SNTG2: variants seen among roughly 807,000 people sequenced by gnomAD.
SNTG2 encodes the protein syntrophin gamma 2.
A neutral mutation model predicts 70.9 loss-of-function variants in SNTG2; 74 were observed. The ratio of observed to expected loss-of-function variants is 1.04; its 90% CI spans 0.86 to 1.27. The LOEUF is 1.27. Ranked by LOEUF, SNTG2 falls within the 50% of genes most tolerant of loss-of-function variation. SNTG2 has a pLI of 0.00. For missense variants in SNTG2, 717 were observed against 690.7 expected (o/e 1.04, Z -0.43); for synonymous variants, 278 against 273.8 (o/e 1.02, Z -0.15).
intron 2 of SNTG2, among the ~76,000 whole-genome samples, chr2:1,092,246 T>A (rs1310169446): frequency 2.1e-5 from 2 of 96,502 alleles, no homozygotes; most frequent in South Asian, 3.7e-4. Context: ...AGCCCTTCAA[T>A]TAGAGAGAGA....
At chr2:1,001,011 A>G (rs1659365936) in intron 1 of SNTG2, among the ~76,000 whole-genome samples, 1 of 152,032 alleles carries the variant, frequency 6.6e-6, no homozygotes, top group East Asian at 1.9e-4. Context: ...AAAAGTAAAA[A>G]CCAAAAACAT....
rs752544054 is a variant in SNTG2 at position 1,316,385 on chromosome 2, A to G, written c.1488+10A>G. On this transcript the variant is annotated intron_variant, in intron 16 of 16. Coordinates refer to ENST00000308624, the MANE Select transcript of SNTG2 (RefSeq NM_018968.4). Reference sequence around the variant, plus strand: ...ACAGATTGAGACGAAGGTATGCGGCATGGGGCATGGGTTATTCTGCCACCA... The same window carrying G: ...ACAGATTGAGACGAAGGTATGCGGCGTGGGGCATGGGTTATTCTGCCACCA... The G allele has an allele frequency of 4.3e-6, 6 of 1,388,548 alleles. No homozygotes were observed. The highest frequency in any genetic ancestry group is 1.4e-5 in the African/African-American group (1 of 70,014). 86.0% of individuals were successfully genotyped at this position (1,388,548 alleles called of 1,614,324 possible).
chr2:1,070,718 G>C (rs1663476503), intron 1 of SNTG2, among the ~76,000 whole-genome samples: 1 of 152,176 alleles, frequency 6.6e-6, no homozygotes, highest in Non-Finnish European at 1.5e-5. Flanking sequence ...TCATGTTTAA[G>C]GTCCGGAAAG....
At chr2:1,364,379 G>C (rs1373780813) in intron 16 of SNTG2, among the ~76,000 whole-genome samples, 3 of 152,102 alleles carry the variant, frequency 2.0e-5, no homozygotes, top group South Asian at 2.1e-4. Flanking sequence ...ACTGGTAGCT[G>C]TTTGGCTTCT....
chr2:1,244,000 C>T (rs576991059), intron 11 of SNTG2, among the ~76,000 whole-genome samples: 30 of 151,822 alleles, frequency 2.0e-4, no homozygotes, highest in African/African-American at 5.8e-4. Flanking sequence ...CACTCCAGCC[C>T]GGGCGACAGA....
chr2:1,170,651 C>G (rs760142980), intron 7 of SNTG2, among the ~76,000 whole-genome samples: 1 of 152,160 alleles, frequency 6.6e-6, no homozygotes, highest in Non-Finnish European at 1.5e-5. Context: ...GGCATCGGTG[C>G]TGCATTCTCT....
chr2:1,307,988 T>C (rs9678456), intron 14 of SNTG2, among the ~76,000 whole-genome samples: 8,585 of 152,280 alleles, frequency 0.056, 809 homozygotes, highest in African/African-American at 0.2. Context: ...TTGTTTTTGG[T>C]GGTATCCCTG....
At chr2:1,127,304 T>C (rs531619964) in intron 4 of SNTG2, among the ~76,000 whole-genome samples, 25 of 152,278 alleles carry the variant, frequency 1.6e-4, no homozygotes, top group Middle Eastern at 3.4e-3. Context: ...GGGATACTTA[T>C]CTTGTTTGAT....
At chr2:1,035,684 T>C (rs1661089564) in intron 1 of SNTG2, among the ~76,000 whole-genome samples, 1 of 152,204 alleles carries the variant, frequency 6.6e-6, no homozygotes, top group African/African-American at 2.4e-5. Context: ...TGCTGGAAAA[T>C]CTGTTTAAAC....
At chr2:970,637 A>T (rs1019526684) in intron 1 of SNTG2, among the ~76,000 whole-genome samples, 1 of 145,026 alleles carries the variant, frequency 6.9e-6, no homozygotes, top group Non-Finnish European at 1.5e-5. Flanking sequence ...CATGGTGTAT[A>T]TGTGCCACAT....
chr2:1,058,011 A>C (rs1662575155), intron 1 of SNTG2, among the ~76,000 whole-genome samples: 1 of 152,164 alleles, frequency 6.6e-6, no homozygotes, highest in South Asian at 2.1e-4. Context: ...TGGGTGACAG[A>C]GGGAGACACT....
At chr2:1,111,835 G>A (rs999577913) in intron 4 of SNTG2, among the ~76,000 whole-genome samples, 2 of 152,150 alleles carry the variant, frequency 1.3e-5, no homozygotes, top group Admixed American at 6.5e-5. Flanking sequence ...CCTTTGAGAA[G>A]AATCGTGTGT....
At chr2:1,230,132 AG>A (rs1028402392) in intron 9 of SNTG2, among the ~76,000 whole-genome samples, 57 of 152,234 alleles carry the variant, frequency 3.7e-4, no homozygotes, top group Admixed American at 3.3e-3. Flanking sequence ...GAGGGCTGTG[AG>A]TACTGCCAGC....
intron 1 of SNTG2, among the ~76,000 whole-genome samples, chr2:1,037,452 G>A (rs1365095319): frequency 2.6e-5 from 4 of 152,140 alleles, no homozygotes; most frequent in African/African-American, 9.7e-5. Flanking sequence ...GGCACAATAG[G>A]TTTTAGACCA....
intron 4 of SNTG2, among the ~76,000 whole-genome samples, chr2:1,112,056 C>G (rs35624199): frequency 2.1e-5 from 3 of 144,300 alleles, no homozygotes; most frequent in African/African-American, 5.1e-5. Flanking sequence ...TTTACCCTTA[C>G]AGTCCTTTGA....
At position 1,130,417 on chromosome 2, in the gene SNTG2, C is replaced by T. The variant is rs1439672438; in HGVS notation, c.326-7205C>T. Among the ~76,000 whole-genome samples the T allele has an allele frequency of 2.6e-5, 4 of 152,092 alleles. No homozygotes were observed. The East Asian group carries it at 5.8e-4, about 22-fold the overall frequency. ...TTCCTTTCAGATTAATGATATTTTACATAATAAAATCTTTTTTTGCATTAC... is the reference window on the plus strand; with the variant it reads ...TTCCTTTCAGATTAATGATATTTTATATAATAAAATCTTTTTTTGCATTAC... On this transcript the variant is annotated intron_variant, in intron 4 of 16. Transcript: ENST00000308624.
At chr2:1,366,486 CT>C (rs1157925570) in intron 16 of SNTG2, among the ~76,000 whole-genome samples, 2 of 152,100 alleles carry the variant, frequency 1.3e-5, no homozygotes, top group Non-Finnish European at 2.9e-5. Flanking sequence ...GTCATTTTTG[CT>C]TTTACAGGAC....
intron 13 of SNTG2, 129 bp downstream of exon 13, chr2:1,259,570 C>A: frequency 1.3e-6 from 1 of 744,142 alleles, no homozygotes. Context: ...AATAATGTGA[C>A]GATCTGGACC....
chr2:1,052,698 C>G (rs1370013574), intron 1 of SNTG2, among the ~76,000 whole-genome samples: 2 of 152,202 alleles, frequency 1.3e-5, no homozygotes, highest in East Asian at 1.9e-4. Flanking sequence ...CCTTTATAGA[C>G]AATTCTGCCA....
Sources: gnomAD v4.1 joint callset for allele counts (sites outside exome capture counted in the v4.1 genomes callset) on GRCh38, gnomAD v4.1.1 for gene constraint, MANE v1.5 for transcripts, NCBI Gene and HGNC (gene_info 2026-07-23, HGNC 2026-07-21) for gene names.